Variants in MSR1 observed in about 807,000 individuals in gnomAD.
MSR1 encodes macrophage scavenger receptor 1.
MSR1 carries 53 observed loss-of-function variants against 47.2 expected under a neutral mutation model. That is an observed-to-expected ratio of 1.12 (90% CI 0.90 to 1.41). The LOEUF (loss-of-function observed/expected upper bound fraction) is 1.41. Ranked by LOEUF, MSR1 falls within the 40% of genes most tolerant of loss-of-function variation. The pLI is 0.00. For synonymous variants in MSR1, 239 were observed against 185.6 expected (o/e 1.29, Z -2.34); for missense variants, 786 against 546.9 (o/e 1.44, Z -4.36).
At chr8:16,154,121 C>T (rs545786686) in intron 6 of MSR1, among the ~76,000 whole-genome samples, 1 of 151,904 alleles carries the variant, frequency 6.6e-6, no homozygotes, top group African/African-American at 2.4e-5. Context: ...TCATGCTTCT[C>T]ATTTTCAAAA....
At chr8:16,119,719 G>C (rs1799952531) in intron 9 of MSR1, among the ~76,000 whole-genome samples, 2 of 151,282 alleles carry the variant, frequency 1.3e-5, no homozygotes, top group Admixed American at 1.3e-4. Flanking sequence ...GTAAAAATTT[G>C]TTTTTCAGAG....
intron 8 of MSR1, among the ~76,000 whole-genome samples, chr8:16,127,484 T>C (rs1197455736): frequency 6.6e-6 from 1 of 152,198 alleles, no homozygotes; most frequent in Non-Finnish European, 1.5e-5. Flanking sequence ...TCTTGTCTTA[T>C]CCACCATTTG....
rs777533498 is a variant in MSR1, at chr8:16,168,903, G to T, written c.218-33C>A. 8 of 1,600,900 alleles carry T rather than the reference G, an allele frequency of 5.0e-6. No homozygotes were observed. In the South Asian group the frequency reaches 7.7e-5, roughly 15 times the overall value. On this transcript the variant is annotated intron_variant, in intron 3 of 9. Transcript: ENST00000262101. Reference sequence around the variant, plus strand: ...TTTAAGTAAAAATAAACCAGTCATGGCCTGATCCTTGAATGCATACAGGAT... The same window carrying T: ...TTTAAGTAAAAATAAACCAGTCATGTCCTGATCCTTGAATGCATACAGGAT...
chr8:16,147,023 CAAT>C (rs1800718077), intron 7 of MSR1, among the ~76,000 whole-genome samples: 2 of 152,054 alleles, frequency 1.3e-5, no homozygotes, highest in Non-Finnish European at 2.9e-5. Flanking sequence ...CTGAGGGAAA[CAAT>C]AAGTCTTTGA....
chr8:16,143,509 C>T (rs750094396), intron 8 of MSR1, 49 bp downstream of exon 8: 7 of 1,534,142 alleles, frequency 4.6e-6, no homozygotes, highest in Non-Finnish European at 4.5e-6. Context: ...GTATCACAGA[C>T]TTACTTATTA....
At chr8:16,116,076 G>T (rs183503076) in intron 9 of MSR1, among the ~76,000 whole-genome samples, 8 of 152,250 alleles carry the variant, frequency 5.3e-5, no homozygotes, top group Admixed American at 2.0e-4. Context: ...ATGTAATAGC[G>T]ATCTCACTCT....
intron 1 of MSR1, among the ~76,000 whole-genome samples, chr8:16,179,072 T>C (rs1023645929): frequency 3.9e-5 from 6 of 152,164 alleles, no homozygotes; most frequent in Non-Finnish European, 8.8e-5. Flanking sequence ...TTTACAAACA[T>C]GTATGTCTAT....
intron 1 of MSR1, among the ~76,000 whole-genome samples, chr8:16,184,753 A>G (rs1040645714): frequency 6.6e-6 from 1 of 152,144 alleles, no homozygotes; most frequent in Non-Finnish European, 1.5e-5. Flanking sequence ...TTCACTTTGA[A>G]CTAGAGATGA....
chr8:16,137,446 C>T (rs1800418969), intron 8 of MSR1, among the ~76,000 whole-genome samples: 1 of 152,106 alleles, frequency 6.6e-6, no homozygotes. Context: ...CTCTCTCTAT[C>T]TATCTCTTTC....
intron 2 of MSR1, 40 bp downstream of exon 2, chr8:16,177,846 A>G: frequency 2.0e-6 from 3 of 1,509,812 alleles, no homozygotes; most frequent in Non-Finnish European, 2.8e-6. Flanking sequence ...CAATAACTCT[A>G]AGAACAACCT....
chr8:16,157,106 G>C (rs1417427548), intron 5 of MSR1, among the ~76,000 whole-genome samples: 1 of 151,976 alleles, frequency 6.6e-6, no homozygotes, highest in East Asian at 1.9e-4. Context: ...AAAGATTTCA[G>C]TTTAGTAACT....
At chr8:16,157,282 C>T (rs576389664) in intron 5 of MSR1, among the ~76,000 whole-genome samples, 3 of 151,956 alleles carry the variant, frequency 2.0e-5, no homozygotes, top group East Asian at 3.9e-4. Flanking sequence ...TACTAACTAT[C>T]CTTTCAATTA....
At chr8:16,162,782 G>C (rs1046977313) in intron 5 of MSR1, among the ~76,000 whole-genome samples, 11 of 151,982 alleles carry the variant, frequency 7.2e-5, no homozygotes, top group Admixed American at 7.2e-4. Flanking sequence ...TCTTGCAGGA[G>C]GGACCTACAT....
In MSR1 at chr8:16,150,233, G is replaced by A. The variant is rs1425387343; in HGVS notation, c.977C>T (p.Pro326Leu). The A allele has an allele frequency of 1.3e-6, 2 of 1,520,620 alleles. No individual in the cohort carries two copies. Among genetic ancestry groups the A allele is most frequent in the East Asian group, 4.8e-5 (2 of 41,472 alleles). 94.2% of individuals were successfully genotyped at this position (1,520,620 alleles called of 1,614,324 possible). Residue 326 changes from proline (P) to leucine (L), a missense_variant and splice_region_variant, in exon 7 of 10, where the codon CCA becomes CTA. Physicochemically the swap from Pro to Leu is moderately conservative, Grantham distance 98. Transcript: ENST00000262101. ...GAAAATACACATTATTGTAATACCTGGCCTTCCGGCATATCCTGGGAGTCC... is the reference window on the plus strand; with the variant it reads ...GAAAATACACATTATTGTAATACCTAGCCTTCCGGCATATCCTGGGAGTCC... Reference protein sequence around the residue: ...SRGLPGYAGRPGNSGPKGQKG... With the variant: ...SRGLPGYAGRLGNSGPKGQKG...
intron 8 of MSR1, among the ~76,000 whole-genome samples, chr8:16,136,794 G>C (rs961948753): frequency 3.9e-5 from 6 of 151,974 alleles, no homozygotes; most frequent in African/African-American, 9.7e-5. Context: ...GTAGAGACAG[G>C]GTTTCACCAT....
intron 6 of MSR1, among the ~76,000 whole-genome samples, chr8:16,150,544 G>T (rs1800827199): frequency 6.6e-6 from 1 of 152,080 alleles, no homozygotes. Flanking sequence ...CATATTGTTG[G>T]TAGAAATAAA....
At position 16,108,220 on chromosome 8, in the gene MSR1, C is replaced by T. The variant is rs1000725277; in HGVS notation, c.*1865G>A. 2.1e-5 allele frequency: 3 copies of T among 140,266 alleles called. No individual in the cohort carries two copies. Among genetic ancestry groups the T allele is most frequent in the Non-Finnish European group, 4.6e-5 (3 of 65,076 alleles). 8.7% of individuals were successfully genotyped at this position (140,266 alleles called of 1,614,324 possible). Reference sequence around the variant, plus strand: ...GTAATAGCAATAGTACTAGTACTAGCAATAGTACTATTATTATTTTAAAGG... The same window carrying T: ...GTAATAGCAATAGTACTAGTACTAGTAATAGTACTATTATTATTTTAAAGG... On this transcript the variant is annotated 3_prime_UTR_variant, in exon 10 of 10. Transcript: ENST00000262101.
intron 4 of MSR1, 68 bp downstream of exon 4, chr8:16,168,390 T>C (rs888832548): frequency 3.9e-6 from 6 of 1,556,754 alleles, no homozygotes; most frequent in African/African-American, 2.7e-5. Flanking sequence ...TTTCCTGTAC[T>C]GCCTAAGGAG....
At chr8:16,129,538 C>T (rs1800207119) in intron 8 of MSR1, among the ~76,000 whole-genome samples, 1 of 151,986 alleles carries the variant, frequency 6.6e-6, no homozygotes, top group African/African-American at 2.4e-5. Flanking sequence ...TTGAGTTTAG[C>T]AGTTAGAGAC....
Sources: allele counts gnomAD v4.1 joint callset (sites outside exome capture counted in the v4.1 genomes callset), GRCh38; gene constraint gnomAD v4.1.1; transcripts MANE v1.5; gene names NCBI Gene and HGNC (gene_info 2026-07-23, HGNC 2026-07-21).